The following TASP1 variants were observed in gnomAD, a reference collection of about 807,000 sequenced individuals.
TASP1 encodes the protein threonine aspartase 1.
A neutral mutation model predicts 56.6 loss-of-function variants in TASP1; 16 were observed. The observed-to-expected ratio is 0.28, with a 90% CI of 0.19 to 0.43. The LOEUF is 0.43. Among genes scored for constraint, TASP1 ranks in the 20% least tolerant of loss-of-function variants. The pLI, the probability that TASP1 is intolerant of heterozygous loss-of-function variation, is 1.00. For missense variants in TASP1, 393 were observed against 511.6 expected, an observed-to-expected ratio of 0.77 and a Z score of 2.24; for synonymous variants, 179 against 184.2, an observed-to-expected ratio of 0.97 and a Z score of 0.23.
intron 12 of TASP1, among the ~76,000 whole-genome samples, chr20:13,431,848 G>A (rs1220246880): frequency 6.6e-6 from 1 of 152,124 alleles, no homozygotes; most frequent in African/African-American, 2.4e-5. Context: ...AGAGAGACCT[G>A]AGCTAGCACA....
At position 13,575,940 on chromosome 20, in the gene TASP1, G is replaced by A. The variant is rs542993278; in HGVS notation, c.488+4957C>T. Among the ~76,000 whole-genome samples the A allele has an allele frequency of 1.3e-4, 20 of 152,136 alleles. No homozygotes were observed. In the East Asian group the frequency reaches 1.4e-3, roughly 10 times the overall value. On this transcript the variant is annotated intron_variant, in intron 6 of 13. Transcript: ENST00000337743. The stretch of plus-strand genomic sequence containing the variant: ...TATGTAAAAAATCTTAGCTGGGCAC[G>A]GTGGCTCACATCTGTAATCCCAGCA...
downstream of TASP1, among the ~76,000 whole-genome samples, chr20:13,385,977 T>C (rs4813127): frequency 0.84 from 127,186 of 152,142 alleles, 53,417 homozygotes; most frequent in African/African-American, 0.89. Flanking sequence ...ACAGTGAGGT[T>C]CAAGAGCAAT....
At chr20:13,270,516 G>A in the TASP1 span, 21 of 1,612,916 alleles carry the variant, frequency 1.3e-5, no homozygotes, top group East Asian at 4.5e-5. Flanking sequence ...TAACCTCAAC[G>A]TGGGAAGTGA....
chr20:13,332,852 T>C, the TASP1 span, among the ~76,000 whole-genome samples: 12 of 152,224 alleles, frequency 7.9e-5, no homozygotes, highest in African/African-American at 2.9e-4. Context: ...AACGGAAAGT[T>C]TGGCCTTTGG....
At chr20:13,490,433 C>A (rs563213660) in intron 10 of TASP1, among the ~76,000 whole-genome samples, 11 of 152,192 alleles carry the variant, frequency 7.2e-5, no homozygotes, top group African/African-American at 2.4e-4. Context: ...GGCAAAACCC[C>A]AAGGAAACTA....
chr20:13,185,704 C>T, the TASP1 span, among the ~76,000 whole-genome samples: 1 of 152,132 alleles, frequency 6.6e-6, no homozygotes, highest in African/African-American at 2.4e-5. Flanking sequence ...CTGCTAAGGG[C>T]CTTACATTAC....
chr20:13,188,889 A>G, the TASP1 span, among the ~76,000 whole-genome samples: 3 of 152,370 alleles, frequency 2.0e-5, no homozygotes, highest in African/African-American at 7.2e-5. Flanking sequence ...TGCACCTGTA[A>G]CAATAGCTGA....
chr20:13,190,683 T>A, the TASP1 span, among the ~76,000 whole-genome samples: 25 of 152,122 alleles, frequency 1.6e-4, no homozygotes, highest in African/African-American at 5.5e-4. Flanking sequence ...GGAAAGATGT[T>A]TTGGGTAAGA....
chr20:13,547,831 GTTTATTGAGCA>G (rs1200462422), intron 8 of TASP1, among the ~76,000 whole-genome samples: 3 of 152,148 alleles, frequency 2.0e-5, no homozygotes, highest in Non-Finnish European at 4.4e-5. Context: ...TTCATTAAAT[GTTTATTGAGCA>G]TTTATTATAT....
intron 13 of TASP1, among the ~76,000 whole-genome samples, chr20:13,408,575 G>A (rs2042001742): frequency 6.6e-6 from 1 of 152,062 alleles, no homozygotes. Flanking sequence ...TAAGATTAAT[G>A]TTATTTCTTC....
At chr20:13,491,106 G>A (rs2043511250) in intron 10 of TASP1, among the ~76,000 whole-genome samples, 1 of 152,100 alleles carries the variant, frequency 6.6e-6, no homozygotes, top group African/African-American at 2.4e-5. Context: ...AATTCTAAAT[G>A]AAGGCTACTG....
intron 8 of TASP1, among the ~76,000 whole-genome samples, chr20:13,543,562 C>T (rs2045699606): frequency 6.6e-6 from 1 of 152,174 alleles, no homozygotes; most frequent in South Asian, 2.1e-4. Flanking sequence ...GATTGCGCCA[C>T]TGCACTCCAG....
the TASP1 span, among the ~76,000 whole-genome samples, chr20:13,116,014 A>C: frequency 1.3e-5 from 2 of 152,210 alleles, no homozygotes; most frequent in Admixed American, 6.5e-5. Context: ...ATTAACTCAC[A>C]AACTTACATA....
chr20:13,442,644 AAAAC>A lies in TASP1; in HGVS notation c.986-7494_986-7491del, dbSNP rs539742350. 5.3e-5 allele frequency among the ~76,000 whole-genome samples: 8 copies of A among 150,942 alleles called. No homozygotes were observed. The East Asian group carries it at 1.2e-3, about 22-fold the overall frequency. ...GCAACAGAGCAAGACTCTGTCTTTAAAAACAAACAAACAAACAAACAAAAAAACA... is the reference window on the plus strand; with the variant it reads ...GCAACAGAGCAAGACTCTGTCTTTAAAAACAAACAAACAAACAAAAAAACA... On this transcript the variant is annotated intron_variant, in intron 11 of 13. Coordinates refer to ENST00000337743, the MANE Select transcript of TASP1 (RefSeq NM_017714.3).
chr20:13,442,791 T>C (rs2043268800), intron 11 of TASP1, among the ~76,000 whole-genome samples: 1 of 152,068 alleles, frequency 6.6e-6, no homozygotes, highest in South Asian at 2.1e-4. Flanking sequence ...AATTATTTAA[T>C]GAAAGTATGG....
chr20:13,160,609 G>A, the TASP1 span, among the ~76,000 whole-genome samples: 1 of 152,214 alleles, frequency 6.6e-6, no homozygotes, highest in African/African-American at 2.4e-5. Context: ...GCCTTTTATT[G>A]TCCCTCGATT....
chr20:13,580,322 A>G lies in TASP1; in HGVS notation c.488+575T>C, dbSNP rs544178820. On this transcript the variant is annotated intron_variant, in intron 6 of 13. Coordinates refer to ENST00000337743, the MANE Select transcript of TASP1 (RefSeq NM_017714.3). ...AATGTCCAGGAACGGTGGCACATGC[A>G]TGTAGTCCCAGCTACTCAGGAGGCT... is the stretch of plus-strand genomic sequence containing the variant. Among the ~76,000 whole-genome samples, 136 of 152,130 alleles carry G rather than the reference A, an allele frequency of 8.9e-4. 1 individual carries two copies. Among genetic ancestry groups the G allele is most frequent in the African/African-American group, 3.2e-3 (131 of 41,516 alleles).
At chr20:13,379,405 C>T in the TASP1 span, among the ~76,000 whole-genome samples, 1 of 152,176 alleles carries the variant, frequency 6.6e-6, no homozygotes, top group Non-Finnish European at 1.5e-5. Context: ...TATTGGCCCC[C>T]ATTCTCTTCT....
chr20:13,560,980 A>G (rs1361617322), intron 7 of TASP1, among the ~76,000 whole-genome samples: 1 of 152,212 alleles, frequency 6.6e-6, no homozygotes, highest in African/African-American at 2.4e-5. Flanking sequence ...ATTATCACCT[A>G]CTAGGGATCC....
Sources: allele counts gnomAD v4.1 joint callset (sites outside exome capture counted in the v4.1 genomes callset), GRCh38; gene constraint gnomAD v4.1.1; transcripts MANE v1.5; gene names NCBI Gene and HGNC (gene_info 2026-07-23, HGNC 2026-07-21).